Variants in PLCB1 observed in about 807,000 individuals in gnomAD.
The protein encoded by PLCB1 is 1-phosphatidylinositol 4,5-bisphosphate phosphodiesterase beta-1.
In PLCB1, 46 loss-of-function variants were observed where a neutral mutation model predicts 161.8. That is an observed-to-expected ratio of 0.28 (90% CI 0.22 to 0.36). The LOEUF is 0.36. Ranked by LOEUF, PLCB1 falls within the 10% of genes least tolerant of loss-of-function variation. The pLI is 1.00. For synonymous variants in PLCB1, 517 were observed against 503.7 expected, an observed-to-expected ratio of 1.03 and a Z score of -0.35; for missense variants, 1,016 against 1,472.5, an observed-to-expected ratio of 0.69 and a Z score of 5.07.
intron 1 of PLCB1, among the ~76,000 whole-genome samples, chr20:8,139,081 G>GTTTTTTTTTTTTTTTTT (rs71329695): frequency 1.1e-5 from 1 of 91,628 alleles, no homozygotes; most frequent in Non-Finnish European, 2.0e-5. Flanking sequence ...TATTTCAAGG[G>GTTTTTTTTTTTTTTTTT]TTTTTTTTTT....
chr20:8,453,776 A>G (rs963400520), intron 3 of PLCB1, among the ~76,000 whole-genome samples: 1 of 152,176 alleles, frequency 6.6e-6, no homozygotes, highest in African/African-American at 2.4e-5. Flanking sequence ...GAAGAAGAGT[A>G]TTTCAGGCAG....
intron 2 of PLCB1, among the ~76,000 whole-genome samples, chr20:8,277,293 T>G (rs1982630640): frequency 6.6e-6 from 1 of 152,048 alleles, no homozygotes; most frequent in Non-Finnish European, 1.5e-5. Flanking sequence ...AAGCCATGTA[T>G]AAAAGAGAAG....
chr20:8,587,007 T>A (rs1230479347), intron 3 of PLCB1, among the ~76,000 whole-genome samples: 1 of 152,118 alleles, frequency 6.6e-6, no homozygotes, highest in Non-Finnish European at 1.5e-5. Flanking sequence ...ATAAGCTGTA[T>A]AACAATGATA....
At chr20:8,386,400 G>A (rs980453490) in intron 3 of PLCB1, among the ~76,000 whole-genome samples, 3 of 152,256 alleles carry the variant, frequency 2.0e-5, no homozygotes, top group East Asian at 3.9e-4. Flanking sequence ...TTGTGGCCAG[G>A]TGCATTGTCA....
At chr20:8,514,475 C>G (rs1984029836) in intron 3 of PLCB1, among the ~76,000 whole-genome samples, 1 of 144,462 alleles carries the variant, frequency 6.9e-6, no homozygotes, top group African/African-American at 2.5e-5. Flanking sequence ...AAAAAAGAAA[C>G]CAGCCTGGGC....
intron 3 of PLCB1, among the ~76,000 whole-genome samples, chr20:8,594,552 G>T (rs934146507): frequency 6.6e-6 from 1 of 152,088 alleles, no homozygotes; most frequent in Admixed American, 6.6e-5. Flanking sequence ...ACCACATTTT[G>T]AGTAGCCACT....
In PLCB1 at chr20:8,394,867, A is replaced by T. The variant is rs569394364; in HGVS notation, c.246+23417A>T. The stretch of plus-strand genomic sequence containing the variant: ...GTTTTCACTTTTAATGGTATCTTTA[A>T]CAATATTTTTCAAAAGCTTTGAGCA... On this transcript the variant is annotated intron_variant, in intron 3 of 31. Coordinates refer to ENST00000338037, the MANE Select transcript of PLCB1 (RefSeq NM_015192.4). Among the ~76,000 whole-genome samples the T allele has an allele frequency of 8.5e-5, 13 of 152,258 alleles. No individual in the cohort carries two copies. In the East Asian group the frequency reaches 2.3e-3, roughly 27 times the overall value.
chr20:8,551,133 T>A (rs1388628354), intron 3 of PLCB1, among the ~76,000 whole-genome samples: 1 of 152,182 alleles, frequency 6.6e-6, no homozygotes, highest in African/African-American at 2.4e-5. Context: ...TAAATTCTTT[T>A]GCTAAATTGT....
At chr20:8,160,337 C>T (rs936471297) in intron 2 of PLCB1, among the ~76,000 whole-genome samples, 3 of 152,206 alleles carry the variant, frequency 2.0e-5, no homozygotes, top group Non-Finnish European at 2.9e-5. Context: ...AAAGTTGCTT[C>T]CCCATTTTTG....
intron 3 of PLCB1, among the ~76,000 whole-genome samples, chr20:8,457,089 T>C (rs756158441): frequency 6.6e-6 from 1 of 152,244 alleles, no homozygotes; most frequent in Non-Finnish European, 1.5e-5. Flanking sequence ...CCAACTGCAC[T>C]TTTATATGAT....
intron 2 of PLCB1, among the ~76,000 whole-genome samples, chr20:8,190,354 T>C (rs964971071): frequency 6.6e-6 from 1 of 152,146 alleles, no homozygotes; most frequent in Non-Finnish European, 1.5e-5. Flanking sequence ...TAGAGTTATT[T>C]TTGCTTGATT....
At chr20:8,810,253 G>A (rs952057781) in intron 31 of PLCB1, among the ~76,000 whole-genome samples, 5 of 152,020 alleles carry the variant, frequency 3.3e-5, no homozygotes, top group African/African-American at 1.2e-4. Context: ...TAAAATTCAA[G>A]GCTCCGGAAG....
intron 10 of PLCB1, among the ~76,000 whole-genome samples, chr20:8,696,895 G>A (rs1023604273): frequency 2.6e-5 from 4 of 151,902 alleles, no homozygotes; most frequent in South Asian, 2.1e-4. Flanking sequence ...CACCACACCC[G>A]GCTAATTTTT....
intron 31 of PLCB1, among the ~76,000 whole-genome samples, chr20:8,872,252 C>A (rs1319522860): frequency 6.6e-6 from 1 of 152,058 alleles, no homozygotes; most frequent in East Asian, 1.9e-4. Context: ...ACTCCAGCAC[C>A]CAATAAAAAG....
chr20:8,256,407 G>A (rs1240520353), intron 2 of PLCB1, among the ~76,000 whole-genome samples: 3 of 151,978 alleles, frequency 2.0e-5, no homozygotes, highest in African/African-American at 7.2e-5. Flanking sequence ...CTCTACCCTG[G>A]TCCTCTCTAA....
intron 3 of PLCB1, among the ~76,000 whole-genome samples, chr20:8,512,692 G>C (rs1983939268): frequency 6.6e-6 from 1 of 151,884 alleles, no homozygotes. Context: ...AATACAAATT[G>C]TACCCCAATG....
At chr20:8,834,810 G>GA (rs10568816) in intron 31 of PLCB1, among the ~76,000 whole-genome samples, 6,555 of 84,942 alleles carry the variant, frequency 0.077, 791 homozygotes, top group African/African-American at 0.096. Flanking sequence ...CTCTGCCTCA[G>GA]AAAAAAAAAA....
chr20:8,646,617 T>C (rs1339405160), intron 5 of PLCB1, among the ~76,000 whole-genome samples: 1 of 152,226 alleles, frequency 6.6e-6, no homozygotes, highest in Non-Finnish European at 1.5e-5. Context: ...TCCTGACTAC[T>C]TAAATCAATA....
At chr20:8,736,107 A>G (rs1337145581) in intron 19 of PLCB1, among the ~76,000 whole-genome samples, 1 of 152,040 alleles carries the variant, frequency 6.6e-6, no homozygotes, top group Non-Finnish European at 1.5e-5. Context: ...CCAGCAGGCA[A>G]TTTTCTTGTA....
Sources: allele counts gnomAD v4.1 joint callset (sites outside exome capture counted in the v4.1 genomes callset), GRCh38; gene constraint gnomAD v4.1.1; transcripts MANE v1.5; gene names NCBI Gene and HGNC (gene_info 2026-07-23, HGNC 2026-07-21).